Variants in ZHX3 observed in about 807,000 individuals in gnomAD.
ZHX3 encodes the protein zinc fingers and homeoboxes 3, also known as zinc fingers and homeoboxes protein 3.
A neutral mutation model predicts 64.5 loss-of-function variants in ZHX3; 20 were observed. That is an observed-to-expected ratio of 0.31 (90% CI 0.22 to 0.45). The LOEUF is 0.45. Among genes scored for constraint, ZHX3 ranks in the 20% least tolerant of loss-of-function variants. The pLI is 1.00. For synonymous variants in ZHX3, 423 were observed against 461.6 expected, an observed-to-expected ratio of 0.92 and a Z score of 1.07; for missense variants, 1,041 against 1,195.8, an observed-to-expected ratio of 0.87 and a Z score of 1.91.
At chr20:41,235,502 C>T (rs948304479) in intron 2 of ZHX3, among the ~76,000 whole-genome samples, 1 of 152,170 alleles carries the variant, frequency 6.6e-6, no homozygotes, top group Non-Finnish European at 1.5e-5. Context: ...ATCATATAAA[C>T]AGAACCAAAG....
At position 41,201,495 on chromosome 20, in the gene ZHX3, T is replaced by C; in HGVS notation, c.2860+562A>G. 1.4e-6 allele frequency: 1 copy of C among 696,074 alleles called. No individual in the cohort carries two copies. The highest frequency in any genetic ancestry group is 2.1e-6 in the Non-Finnish European group (1 of 465,538). 43.1% of individuals were successfully genotyped at this position (696,074 alleles called of 1,614,324 possible). ...GCTTTCGAGTACAATCCAGAGAAAC[T>C]GAGGAACAAAATTCAAGCTTTTGAT... On this transcript the variant is annotated intron_variant, in intron 3 of 3. Coordinates refer to ENST00000683867, the MANE Select transcript of ZHX3 (RefSeq NM_001384317.1). The surrounding 1 kb of genome is among the most constrained non-coding windows in gnomAD (Gnocchi z 5.0).
chr20:41,184,730 ACCCAGCAAT>A lies in ZHX3; in HGVS notation c.*452_*460del. ...CTGTGGAAGGTGAGGGGCACCTGTG[ACCCAGCAAT>A]CCCCAGAGAACAGACACAGGTCATT... On this transcript the variant is annotated 3_prime_UTR_variant, in exon 4 of 4. Coordinates refer to ENST00000683867, the MANE Select transcript of ZHX3 (RefSeq NM_001384317.1). The A allele has an allele frequency of 1.4e-6, 1 of 729,062 alleles. No homozygotes were observed. Among genetic ancestry groups the A allele is most frequent in the Non-Finnish European group, 2.2e-6 (1 of 460,012 alleles). The allele number at this position is 729,062 out of a possible 1,614,324, so 45.2% of individuals were successfully genotyped here.
At position 41,201,356 on chromosome 20, in the gene ZHX3, G is replaced by A. The variant is rs866229515; in HGVS notation, c.2860+701C>T. Reference sequence around the variant, plus strand: ...AATGTCAAAGGGTAAGGAGGGAAGGGAGAGGCTGGGAACTCAGTGACCAGG... The same window carrying A: ...AATGTCAAAGGGTAAGGAGGGAAGGAAGAGGCTGGGAACTCAGTGACCAGG... On this transcript the variant is annotated intron_variant, in intron 3 of 3. Coordinates refer to ENST00000683867, the MANE Select transcript of ZHX3 (RefSeq NM_001384317.1). This position sits in a 1 kb window ranked among gnomAD's most constrained non-coding sequence, Gnocchi z 5.0. The A allele has an allele frequency of 7.7e-7, 1 of 1,304,744 alleles. No homozygotes were observed. Among genetic ancestry groups the A allele is most frequent in the Non-Finnish European group, 1.0e-6 (1 of 989,074 alleles). The allele number at this position is 1,304,744 out of a possible 1,614,324, so 80.8% of individuals were successfully genotyped here.
In ZHX3 at chr20:41,269,031, C is replaced by CGTG. The variant is rs1220129236; in HGVS notation, c.-193_-192insCAC. 4 of 152,172 alleles carry CGTG rather than the reference C, an allele frequency of 2.6e-5. No individual in the cohort carries two copies. The allele number at this position is 152,172 out of a possible 1,614,324, so 9.4% of individuals were successfully genotyped here. On this transcript the variant is annotated 5_prime_UTR_variant, in exon 2 of 4. Coordinates refer to ENST00000683867, the MANE Select transcript of ZHX3 (RefSeq NM_001384317.1). Reference sequence around the variant, plus strand: ...AGTTTCCCTCTTCACTTTATGCAGTCCCACAAGCATCTCTAAAAGGTCACA... The same window carrying CGTG: ...AGTTTCCCTCTTCACTTTATGCAGTCGTGCCACAAGCATCTCTAAAAGGTCACA...
At chr20:41,236,651 G>A (rs910103130) in intron 2 of ZHX3, among the ~76,000 whole-genome samples, 7 of 151,974 alleles carry the variant, frequency 4.6e-5, no homozygotes, top group African/African-American at 9.7e-5. Context: ...AATGTTAGAC[G>A]TAAAACCATA....
chr20:41,297,383 C>A (rs73907126), intron 1 of ZHX3, among the ~76,000 whole-genome samples: 3,016 of 152,274 alleles, frequency 0.02, 92 homozygotes, highest in African/African-American at 0.068. Context: ...GTTCTAGGCA[C>A]CCCCATGTTT....
At position 41,183,110 on chromosome 20, in the gene ZHX3, G is replaced by A. The variant is rs2036302047; in HGVS notation, c.*2081C>T. 2.0e-5 allele frequency: 3 copies of A among 152,140 alleles called. No homozygotes were observed. Among genetic ancestry groups the A allele is most frequent in the South Asian group, 4.1e-4 (2 of 4,832 alleles). The allele number at this position is 152,140 out of a possible 1,614,324, so 9.4% of individuals were successfully genotyped here. ...TCCCCCAACACCCATGTGCCACCAA[G>A]TTTCTCAACTGCACACGCCAGATGC... is the stretch of plus-strand genomic sequence containing the variant. On this transcript the variant is annotated 3_prime_UTR_variant, in exon 4 of 4. Transcript: ENST00000683867. The surrounding 1 kb of genome is among the most constrained non-coding windows in gnomAD (Gnocchi z 5.3).
intron 2 of ZHX3, among the ~76,000 whole-genome samples, chr20:41,206,828 C>T (rs2038754562): frequency 6.6e-6 from 1 of 152,096 alleles, no homozygotes. Context: ...AGAAGAGCAA[C>T]TCCAAAACAC....
At chr20:41,225,216 A>T (rs1218144996) in intron 2 of ZHX3, among the ~76,000 whole-genome samples, 1 of 152,208 alleles carries the variant, frequency 6.6e-6, no homozygotes, top group Non-Finnish European at 1.5e-5. Context: ...CCTACCTCAT[A>T]GACCTGACAT....
Position 41,203,121 on chromosome 20 carries a change from G to C in ZHX3, c.1796C>G (p.Ser599Cys). ...PTTATLATHP[S>C]AKRQSWHQTP... Reference sequence around the variant, plus strand: ...CTGGTGCCAAGATTGTCGTTTGGCAGAAGGGTGGGTTGCTAGTGTGGCTGT... The same window carrying C: ...CTGGTGCCAAGATTGTCGTTTGGCACAAGGGTGGGTTGCTAGTGTGGCTGT... Residue 599 changes from serine (S) to cysteine (C), a missense_variant, in exon 3 of 4, where the codon TCT (serine) becomes TGT (cysteine). By Grantham distance (112) the Ser-to-Cys change is moderately radical. Transcript: ENST00000683867. This position sits in a 1 kb window ranked among gnomAD's most constrained non-coding sequence, Gnocchi z 7.1. 6.2e-7 allele frequency: 1 copy of C among 1,614,128 alleles called. No individual in the cohort carries two copies. The highest frequency in any genetic ancestry group is 8.5e-7 in the Non-Finnish European group (1 of 1,180,020).
chr20:41,236,057 C>A (rs914681267), intron 2 of ZHX3, among the ~76,000 whole-genome samples: 1 of 152,158 alleles, frequency 6.6e-6, no homozygotes, highest in Non-Finnish European at 1.5e-5. Context: ...AGGAATCCAA[C>A]TAACAAGGGA....
At chr20:41,317,337 CA>C (rs1411790107) in intron 1 of ZHX3, among the ~76,000 whole-genome samples, 171 bp downstream of exon 1, 2 of 152,100 alleles carry the variant, frequency 1.3e-5, no homozygotes, top group Non-Finnish European at 2.9e-5. Context: ...ACAGAAAGAC[CA>C]GGGGCAGCCG....
At chr20:41,294,561 A>T (rs980911459) in intron 1 of ZHX3, among the ~76,000 whole-genome samples, 1 of 152,164 alleles carries the variant, frequency 6.6e-6, no homozygotes, top group South Asian at 2.1e-4. Context: ...TGGAGTTTCA[A>T]CATGTTGGCC....
chr20:41,196,536 A>AATATTATATATAATATATATTAT (rs2037690259), intron 3 of ZHX3: 1 of 31,610 alleles, frequency 3.2e-5, no homozygotes, highest in Non-Finnish European at 5.8e-5. Context: ...ATATTATATA[A>AATATTATATATAATATATATTAT]ATATTATATA....
rs57588943 is a variant in ZHX3 at position 41,187,323 on chromosome 20, CAAAAAAAAA to C, written c.2861-2131_2861-2123del. Reference sequence around the variant, plus strand: ...CCAGCAACAGAGCAAGAACCTGTCTCAAAAAAAAAAAAAAAAAAAAAAAAGTAATAATTG... The same window carrying C: ...CCAGCAACAGAGCAAGAACCTGTCTCAAAAAAAAAAAAAAAGTAATAATTG... On this transcript the variant is annotated intron_variant, in intron 3 of 3. Transcript: ENST00000683867. Among the ~76,000 whole-genome samples the C allele has an allele frequency of 1.5e-4, 12 of 77,472 alleles. No individual in the cohort carries two copies. In the East Asian group the frequency reaches 1.8e-3, roughly 12 times the overall value. 50.8% of individuals were successfully genotyped at this position (77,472 alleles called of 152,430 possible).
chr20:41,202,711 C>T lies in ZHX3; in HGVS notation c.2206G>A (p.Glu736Lys). The change falls in exon 3 of 4, where the codon GAA (glutamate) becomes AAA (lysine). Residue 736 changes from glutamate to lysine, a missense_variant. By Grantham distance (56) the Glu-to-Lys change is moderately conservative (BLOSUM62 1). Around this residue, in one of 4 missense-constraint regions of ZHX3, gnomAD observed 649 missense variants for 739.8 expected, o/e 0.88. Coordinates refer to ENST00000683867, the MANE Select transcript of ZHX3 (RefSeq NM_001384317.1). This position sits in a 1 kb window ranked among gnomAD's most constrained non-coding sequence, Gnocchi z 7.0. The part of the protein sequence containing the change: ...KINLKNLRVT[E>K]ANGRNEIPGL... ...GGAATCTCGTTCCTGCCATTGGCTT[C>T]AGTGACCCTCAGGTTCTTCAGGTTG... The T allele has an allele frequency of 1.9e-6, 3 of 1,614,168 alleles. No homozygotes were observed. The highest frequency in any genetic ancestry group is 2.2e-5 in the East Asian group (1 of 44,880).
At chr20:41,272,223 T>C (rs573814852) in intron 1 of ZHX3, 25 of 152,304 alleles carry the variant, frequency 1.6e-4, no homozygotes, top group African/African-American at 5.3e-4. Flanking sequence ...ATCATCTGTT[T>C]TCATGTTTTC....
intron 2 of ZHX3, among the ~76,000 whole-genome samples, chr20:41,231,833 A>G (rs901711946): frequency 6.6e-6 from 1 of 152,262 alleles, no homozygotes; most frequent in Non-Finnish European, 1.5e-5. Flanking sequence ...AACAGCTAAA[A>G]TTATTCACAA....
chr20:41,203,434 T>A lies in ZHX3; in HGVS notation c.1483A>T (p.Ser495Cys). ...TGAGATTTCTTATTTTTGTAGATGC[T>A]AGCATCAAGGAAGGCTTGGGAGGTT... ...SITSQAFLDA[S>C]IYKNKKSHEQ... The change falls in exon 3 of 4, where the codon AGC (serine) becomes TGC (cysteine). Residue 495 changes from serine (S) to cysteine (C), a missense_variant. This residue lies in a region of ZHX3 where 649 missense variants were observed against 739.8 expected (regional missense o/e 0.88). Coordinates refer to ENST00000683867, the MANE Select transcript of ZHX3 (RefSeq NM_001384317.1). The surrounding 1 kb of genome is among the most constrained non-coding windows in gnomAD (Gnocchi z 7.1). 6.2e-7 allele frequency: 1 copy of A among 1,614,186 alleles called. No individual in the cohort carries two copies. The highest frequency in any genetic ancestry group is 2.2e-5 in the East Asian group (1 of 44,884).
Sources: allele counts gnomAD v4.1 joint callset (sites outside exome capture counted in the v4.1 genomes callset), GRCh38; gene constraint gnomAD v4.1.1; regional missense constraint gnomAD v4.1.1; non-coding constraint Gnocchi (gnomAD v3.1); transcripts MANE v1.5; gene names NCBI Gene and HGNC (gene_info 2026-07-23, HGNC 2026-07-21).